BRD8: variants seen among roughly 807,000 people sequenced by gnomAD.
The protein encoded by BRD8 is bromodomain-containing protein 8.
A neutral mutation model predicts 143.1 loss-of-function variants in BRD8; 67 were observed. That is an observed-to-expected ratio of 0.47 (90% CI 0.38 to 0.57). The LOEUF (loss-of-function observed/expected upper bound fraction) is 0.57, where lower values mean the gene tolerates loss of function less well. BRD8 is among the 20% of genes least tolerant of loss of function. The pLI is 0.00. For synonymous variants in BRD8, 505 were observed against 517.1 expected (o/e 0.98, Z 0.32); for missense variants, 1,103 against 1,503.0 (o/e 0.73, Z 4.40).
chr5:138,166,143 T>A (rs774641263), intron 10 of BRD8, 35 bp from the exon 11 acceptor site: 13 of 1,538,000 alleles, frequency 8.5e-6, no homozygotes, highest in Middle Eastern at 2.0e-4. Flanking sequence ...TCTCAGAAGC[T>A]TATTGGGTAC....
chr5:138,168,252 A>AT (rs1267752053), intron 8 of BRD8, among the ~76,000 whole-genome samples, 174 bp from the exon 9 acceptor site: 14 of 152,280 alleles, frequency 9.2e-5, no homozygotes, highest in African/African-American at 2.9e-4. Context: ...TTATTTGACA[A>AT]GAGTTCTCTG....
chr5:138,168,702 G>C (rs1753632656), intron 8 of BRD8: 1 of 1,365,372 alleles, frequency 7.3e-7, no homozygotes, highest in African/African-American at 1.4e-5. Context: ...AGAGACAACA[G>C]AGAACCTTTA....
intron 23 of BRD8, among the ~76,000 whole-genome samples, chr5:138,147,667 T>C (rs1321045171): frequency 6.6e-6 from 1 of 152,190 alleles, no homozygotes; most frequent in African/African-American, 2.4e-5. Flanking sequence ...CCAGATGCAG[T>C]AGTTCATGCC....
chr5:138,145,302 A>G (rs373504953), intron 24 of BRD8, 57 bp from the exon 25 acceptor site: 9 of 1,519,610 alleles, frequency 5.9e-6, no homozygotes, highest in Non-Finnish European at 7.3e-6. Context: ...ACTCTGAAGG[A>G]GAAGAGTAGC....
intron 25 of BRD8, among the ~76,000 whole-genome samples, chr5:138,143,949 C>A (rs1752026373): frequency 1.3e-5 from 2 of 152,160 alleles, no homozygotes; most frequent in African/African-American, 4.8e-5. Context: ...GCTGGAGTCC[C>A]CTTCCACACT....
At chr5:138,166,231 T>C in intron 10 of BRD8, 123 bp from the exon 11 acceptor site, 1 of 734,466 alleles carries the variant, frequency 1.4e-6, no homozygotes, top group South Asian at 1.7e-5. Context: ...GAAAGAGTCA[T>C]CAACATGTGC....
At chr5:138,169,464 C>G in intron 7 of BRD8, 106 bp from the exon 8 acceptor site, 1 of 1,260,622 alleles carries the variant, frequency 7.9e-7, no homozygotes, top group Non-Finnish European at 1.1e-6. Flanking sequence ...TGTTGCATTA[C>G]TAAAGCAGCA....
Position 138,171,173 on chromosome 5 carries a change from G to GA in BRD8, c.237-14dup, listed in dbSNP as rs758086410. On this transcript the variant is annotated splice_polypyrimidine_tract_variant and intron_variant, in intron 4 of 26. Coordinates refer to ENST00000254900, the MANE Select transcript of BRD8 (RefSeq NM_139199.2). ...ACCTCGTTTCCGTCTGTGGAAAATT[G>GA]AAAAAAAAAAATTCATATTCAAATA... is the stretch of plus-strand genomic sequence containing the variant. The GA allele has an allele frequency of 9.2e-3, 11,913 of 1,300,972 alleles. No homozygotes were observed. Among genetic ancestry groups the GA allele is most frequent in the Non-Finnish European group, 0.01 (9,716 of 958,718 alleles). 80.6% of individuals were successfully genotyped at this position (1,300,972 alleles called of 1,614,324 possible).
chr5:138,152,429 T>G, intron 21 of BRD8, 53 bp downstream of exon 21: 1 of 1,594,020 alleles, frequency 6.3e-7, no homozygotes. Flanking sequence ...GGATAAGCAT[T>G]CTCTTAGAAA....
At chr5:138,170,675 T>TC in intron 6 of BRD8, 157 bp downstream of exon 6, 1 of 747,950 alleles carries the variant, frequency 1.3e-6, no homozygotes, top group Non-Finnish European at 2.4e-6. Flanking sequence ...TAGGACTCAC[T>TC]CCCCCCTCCC....
Position 138,149,672 on chromosome 5 carries a change from ATCCACCAAGGGAGTC to A in BRD8, c.3231_3245del (p.Glu1077_Val1081del). On this transcript the variant is annotated inframe_deletion, in exon 23 of 27. Coordinates refer to ENST00000254900, the MANE Select transcript of BRD8 (RefSeq NM_139199.2). ...AGGAGGTAGCATGGCTGAAAAGTGT[ATCCACCAAGGGAGTC>A]TCCTTAATGTTAAAGGCATCATCAC... The A allele has an allele frequency of 6.2e-7, 1 of 1,610,486 alleles. No individual in the cohort carries two copies. Among genetic ancestry groups the A allele is most frequent in the African/African-American group, 1.3e-5 (1 of 74,926 alleles).
At chr5:138,142,332 T>G (rs1320248752) in intron 25 of BRD8, among the ~76,000 whole-genome samples, 2 of 152,196 alleles carry the variant, frequency 1.3e-5, no homozygotes, top group Non-Finnish European at 2.9e-5. Flanking sequence ...CATAGATTTC[T>G]ATTATTTATA....
chr5:138,172,844 A>AGATCGGAAGAG, intron 2 of BRD8: 1 of 357,994 alleles, frequency 2.8e-6, no homozygotes, highest in Non-Finnish European at 5.4e-6. Context: ...ACAGAGTAAG[A>AGATCGGAAGAG]CCACCCCCTC....
intron 16 of BRD8, 60 bp from the exon 17 acceptor site, chr5:138,161,924 T>G: frequency 6.3e-7 from 1 of 1,593,112 alleles, no homozygotes; most frequent in South Asian, 1.1e-5. Flanking sequence ...GGAGGGAACT[T>G]ACTCTAAGTA....
intron 25 of BRD8, among the ~76,000 whole-genome samples, chr5:138,141,351 A>G (rs1280307505): frequency 6.6e-6 from 1 of 152,206 alleles, no homozygotes; most frequent in Non-Finnish European, 1.5e-5. Flanking sequence ...GCTAGTCTCG[A>G]ACTCCTAGCC....
chr5:138,160,070 T>A lies in BRD8; in HGVS notation c.2531A>T (p.Lys844Met). Reference sequence around the variant, plus strand: ...CAGGTTCCTTCCTGATCGCCTCACCTTCTCTGAAGCATCCTGTTTGCGGGT... The same window carrying A: ...CAGGTTCCTTCCTGATCGCCTCACCATCTCTGAAGCATCCTGTTTGCGGGT... ...DSTRKQDASE[K>M]DSVPMGSPAF... Residue 844 changes from lysine (K) to methionine (M), a missense_variant and splice_region_variant, in exon 19 of 27, where the codon AAG becomes ATG. Physicochemically the swap from Lys to Met is moderately conservative, Grantham distance 95. Transcript: ENST00000254900. 1 of 1,612,578 alleles carries A rather than the reference T, an allele frequency of 6.2e-7. No individual in the cohort carries two copies. The highest frequency in any genetic ancestry group is 8.5e-7 in the Non-Finnish European group (1 of 1,178,590).
At chr5:138,154,576 A>G (rs376324955) in intron 20 of BRD8, among the ~76,000 whole-genome samples, 1 of 152,110 alleles carries the variant, frequency 6.6e-6, no homozygotes, top group Admixed American at 6.6e-5. Context: ...TTCATGTTCT[A>G]ACTCCTGGAC....
intron 23 of BRD8, among the ~76,000 whole-genome samples, chr5:138,146,744 G>A (rs1038702558): frequency 2.0e-5 from 3 of 151,544 alleles, no homozygotes; most frequent in South Asian, 4.2e-4. Flanking sequence ...CGAGGCAGGC[G>A]GATCACAAGG....
chr5:138,174,156 T>TTG (rs56254005), intron 2 of BRD8, among the ~76,000 whole-genome samples: 19,996 of 149,262 alleles, frequency 0.13, 1,608 homozygotes, highest in South Asian at 0.22. Flanking sequence ...CAGTATTCCA[T>TTG]TGTGTGTGTG....
Sources: allele counts gnomAD v4.1 joint callset (sites outside exome capture counted in the v4.1 genomes callset), GRCh38; gene constraint gnomAD v4.1.1; transcripts MANE v1.5; gene names NCBI Gene and HGNC (gene_info 2026-07-23, HGNC 2026-07-21).